Variants in TMEM169 observed in about 807,000 individuals in gnomAD.
TMEM169 encodes transmembrane protein 169.
In TMEM169, 18 loss-of-function variants were observed where a neutral mutation model predicts 27.3. The observed-to-expected ratio is 0.66, with a 90% CI of 0.46 to 0.98. TMEM169 has a LOEUF of 0.98. Ranked by LOEUF, TMEM169 falls within the 50% of genes least tolerant of loss-of-function variation. The pLI is 0.00. For missense variants in TMEM169, 320 were observed against 368.6 expected, an observed-to-expected ratio of 0.87 and a Z score of 1.08; for synonymous variants, 136 against 142.1, an observed-to-expected ratio of 0.96 and a Z score of 0.30.
chr2:216,100,237 G>A lies in TMEM169; in HGVS notation c.589G>A (p.Glu197Lys). The A allele has an allele frequency of 6.2e-7, 1 of 1,613,532 alleles. No homozygotes were observed. Among genetic ancestry groups the A allele is most frequent in the South Asian group, 1.1e-5 (1 of 91,036 alleles). Residue 197 changes from glutamate (E) to lysine (K), a missense_variant, in exon 3 of 3, where the codon GAA becomes AAA. By Grantham distance (56) the Glu-to-Lys change is moderately conservative (BLOSUM62 1). Transcript: ENST00000437356. The stretch of plus-strand genomic sequence containing the variant: ...CAACATCTTCCTCGTGTATAATGAG[G>A]AAAGGACCTTCTGGCACAAGATCTC... ...WYNIFLVYNE[E>K]RTFWHKISYC...
intron 1 of TMEM169, among the ~76,000 whole-genome samples, chr2:216,093,582 G>A (rs1022962141): frequency 6.6e-6 from 1 of 151,988 alleles, no homozygotes; most frequent in Non-Finnish European, 1.5e-5. Flanking sequence ...TGTGTCGCTG[G>A]GTGCCTGATT....
chr2:216,087,656 A>G (rs138519033), intron 1 of TMEM169, among the ~76,000 whole-genome samples: 1 of 152,336 alleles, frequency 6.6e-6, no homozygotes, highest in South Asian at 2.1e-4. Flanking sequence ...CCACCACTAT[A>G]CTAGCTATGT....
rs778702868 is a variant in TMEM169, at chr2:216,100,501, A to G, written c.853A>G (p.Asn285Asp). The part of the protein sequence containing the change: ...ESDNISSTLS[N>D]KDPIQEVETS... ...CGACAATATCTCAAGCACTCTCTCCAACAAGGACCCCATCCAAGAAGTAGA... is the reference window on the plus strand; with the variant it reads ...CGACAATATCTCAAGCACTCTCTCCGACAAGGACCCCATCCAAGAAGTAGA... The change falls in exon 3 of 3, where the codon AAC becomes GAC. Residue 285 changes from asparagine (N) to aspartate (D), a missense_variant. Physicochemically the swap from Asn to Asp is conservative, Grantham distance 23. Coordinates refer to ENST00000437356, the MANE Select transcript of TMEM169 (RefSeq NM_001142311.2). 4 of 1,614,144 alleles carry G rather than the reference A, an allele frequency of 2.5e-6. No individual in the cohort carries two copies. The highest frequency in any genetic ancestry group is 3.4e-6 in the Non-Finnish European group (4 of 1,180,028).
At position 216,081,971 on chromosome 2, in the gene TMEM169, C is replaced by CAGGT; in HGVS notation, c.-134_-131dup. On this transcript the variant is annotated 5_prime_UTR_variant, in exon 1 of 3. Transcript: ENST00000437356. ...ACCTCCGCCAGCGTCGGTCCCTGGG[C>CAGGT]AGGTGTGGGTGAGACTGCTCGTTCG... The CAGGT allele has an allele frequency of 1.8e-6, 1 of 546,296 alleles. No individual in the cohort carries two copies. Among genetic ancestry groups the CAGGT allele is most frequent in the South Asian group, 2.1e-5 (1 of 47,232 alleles). 33.8% of individuals were successfully genotyped at this position (546,296 alleles called of 1,614,324 possible). A position where few individuals can be genotyped will look rare whatever the true frequency, so the allele number is the denominator to read the frequency against.
chr2:216,084,747 G>C (rs1351098112), intron 1 of TMEM169, among the ~76,000 whole-genome samples: 1 of 152,154 alleles, frequency 6.6e-6, no homozygotes, highest in Non-Finnish European at 1.5e-5. Flanking sequence ...AGGAAGAGGC[G>C]GGGTGGAGCA....
At position 216,100,029 on chromosome 2, in the gene TMEM169, A is replaced by C. The variant is rs1342597024; in HGVS notation, c.381A>C (p.Lys127Asn). Residue 127 changes from lysine to asparagine, a missense_variant, in exon 3 of 3, where the codon AAA becomes AAC. By Grantham distance (94) the Lys-to-Asn change is moderately conservative. Coordinates refer to ENST00000437356, the MANE Select transcript of TMEM169 (RefSeq NM_001142311.2). ...MVDIHVTLTE[K>N]ELQELTKPKE... ...ACATCCATGTCACATTGACAGAGAA[A>C]GAGCTGCAGGAACTGACCAAACCTA... The C allele has an allele frequency of 6.2e-7, 1 of 1,614,188 alleles. No homozygotes were observed. Among genetic ancestry groups the C allele is most frequent in the South Asian group, 1.1e-5 (1 of 91,082 alleles).
intron 1 of TMEM169, among the ~76,000 whole-genome samples, chr2:216,091,709 C>G (rs1027217449): frequency 4.6e-5 from 7 of 152,142 alleles, no homozygotes; most frequent in Non-Finnish European, 7.3e-5. Context: ...GCTCCCAGAA[C>G]TGTACAAAAT....
chr2:216,096,251 C>A lies in TMEM169; in HGVS notation c.271+17C>A. ...TGGATGATGGTAAGTCTCTCTAGCC[C>A]ACTTGTTTAAAGCCATGGGAAGGAA... On this transcript the variant is annotated intron_variant, in intron 2 of 2. Coordinates refer to ENST00000437356, the MANE Select transcript of TMEM169 (RefSeq NM_001142311.2). The A allele has an allele frequency of 2.5e-6, 4 of 1,606,958 alleles. No individual in the cohort carries two copies. The highest frequency in any genetic ancestry group is 3.4e-6 in the Non-Finnish European group (4 of 1,175,362).
At chr2:216,091,236 G>A (rs768748766) in intron 1 of TMEM169, among the ~76,000 whole-genome samples, 10 of 152,158 alleles carry the variant, frequency 6.6e-5, no homozygotes, top group African/African-American at 2.2e-4. Context: ...ATGTCATGAC[G>A]GTGGAGTCCT....
chr2:216,084,331 A>G (rs1256953310), intron 1 of TMEM169, among the ~76,000 whole-genome samples: 2 of 152,178 alleles, frequency 1.3e-5, no homozygotes, highest in African/African-American at 4.8e-5. Flanking sequence ...CCTACCTTGA[A>G]GCAAAACTAC....
At chr2:216,082,939 G>A (rs1186615366) in intron 1 of TMEM169, 3 of 152,174 alleles carry the variant, frequency 2.0e-5, no homozygotes, top group East Asian at 3.8e-4. Context: ...TACCACCTAG[G>A]ATTCACAAAG....
Position 216,100,887 on chromosome 2 carries a change from A to G in TMEM169, c.*345A>G. ...TATGTGACTAAATGTGTCAGGGAGAATAAAGAACCTCGGGGTAACCAAATC... is the reference window on the plus strand; with the variant it reads ...TATGTGACTAAATGTGTCAGGGAGAGTAAAGAACCTCGGGGTAACCAAATC... On this transcript the variant is annotated 3_prime_UTR_variant, in exon 3 of 3. Coordinates refer to ENST00000437356, the MANE Select transcript of TMEM169 (RefSeq NM_001142311.2). 3.0e-6 allele frequency: 1 copy of G among 332,920 alleles called. No individual in the cohort carries two copies. The highest frequency in any genetic ancestry group is 5.7e-6 in the Non-Finnish European group (1 of 176,800). 20.6% of individuals were successfully genotyped at this position (332,920 alleles called of 1,614,324 possible).
In TMEM169 at chr2:216,096,007, G is replaced by T. The variant is rs1419325415; in HGVS notation, c.44G>T (p.Ser15Ile). Residue 15 changes from serine to isoleucine, a missense_variant, in exon 2 of 3, where the codon AGC becomes ATC. Coordinates refer to ENST00000437356, the MANE Select transcript of TMEM169 (RefSeq NM_001142311.2). ...GTAGAAGGCCAGGTCCAGCTTCCAA[G>T]CCCCCACCAGGGCTCTCTCAGGAAG... ...TAVEGQVQLP[S>I]PHQGSLRKAV... 1.9e-6 allele frequency: 3 copies of T among 1,614,154 alleles called. No individual in the cohort carries two copies. The highest frequency in any genetic ancestry group is 2.5e-6 in the Non-Finnish European group (3 of 1,180,042).
At chr2:216,088,275 C>T (rs1207292334) in intron 1 of TMEM169, among the ~76,000 whole-genome samples, 5 of 151,862 alleles carry the variant, frequency 3.3e-5, no homozygotes, top group African/African-American at 7.3e-5. Context: ...CTGGCTAACA[C>T]GGTGAAACCC....
intron 1 of TMEM169, among the ~76,000 whole-genome samples, chr2:216,092,499 G>A (rs1056964849): frequency 6.6e-6 from 1 of 152,076 alleles, no homozygotes; most frequent in African/African-American, 2.4e-5. Flanking sequence ...CTCCATGCAT[G>A]TGTTCACTTT....
intron 1 of TMEM169, among the ~76,000 whole-genome samples, chr2:216,087,065 C>T (rs530510632): frequency 1.1e-4 from 16 of 152,064 alleles, no homozygotes; most frequent in South Asian, 6.2e-4. Context: ...CAGAAGGGGA[C>T]GTGAGCGAAT....
intron 1 of TMEM169, among the ~76,000 whole-genome samples, chr2:216,085,478 G>C (rs1012116572): frequency 6.6e-6 from 1 of 152,214 alleles, no homozygotes; most frequent in Non-Finnish European, 1.5e-5. Flanking sequence ...GTGGAAGCTG[G>C]AAGATAGGAG....
In TMEM169 at chr2:216,102,291, T is replaced by G. The variant is rs967240380; in HGVS notation, c.*1749T>G. 5.3e-5 allele frequency: 8 copies of G among 152,292 alleles called. No individual in the cohort carries two copies. The highest frequency in any genetic ancestry group is 1.7e-4 in the African/African-American group (7 of 41,546). 9.4% of individuals were successfully genotyped at this position (152,292 alleles called of 1,614,324 possible). A position where few individuals can be genotyped will look rare whatever the true frequency, so the allele number is the denominator to read the frequency against. On this transcript the variant is annotated 3_prime_UTR_variant, in exon 3 of 3. Coordinates refer to ENST00000437356, the MANE Select transcript of TMEM169 (RefSeq NM_001142311.2). ...CTGAGTTTAACCACAGACATGATCTTTGCTGTGCTGAGAAACTTGTGTCTA... is the reference window on the plus strand; with the variant it reads ...CTGAGTTTAACCACAGACATGATCTGTGCTGTGCTGAGAAACTTGTGTCTA...
chr2:216,093,212 T>C (rs1423570448), intron 1 of TMEM169, among the ~76,000 whole-genome samples: 2 of 151,064 alleles, frequency 1.3e-5, no homozygotes, highest in Non-Finnish European at 3.0e-5. Context: ...AGCCTCCCCA[T>C]TCAGTTTCCT....
Sources: allele counts gnomAD v4.1 joint callset (sites outside exome capture counted in the v4.1 genomes callset), GRCh38; gene constraint gnomAD v4.1.1; transcripts MANE v1.5; gene names NCBI Gene and HGNC (gene_info 2026-07-23, HGNC 2026-07-21).